FRMD6: variants seen among roughly 807,000 people sequenced by gnomAD.
FRMD6 encodes FERM domain containing 6, also known as FERM domain-containing protein 6.
In FRMD6, 37 loss-of-function variants were observed where a neutral mutation model predicts 73.2. That is an observed-to-expected ratio of 0.51 (90% confidence interval 0.39 to 0.66). The LOEUF is 0.66. Among genes scored for constraint, FRMD6 ranks in the 30% least tolerant of loss-of-function variants. FRMD6 has a pLI of 0.00. For synonymous variants in FRMD6, 273 were observed against 282.2 expected (o/e 0.97, Z 0.33); for missense variants, 714 against 780.5 (o/e 0.91, Z 1.02).
chr14:51,669,058 T>C (rs115114982), intron 1 of FRMD6, among the ~76,000 whole-genome samples: 246 of 152,354 alleles, frequency 1.6e-3, no homozygotes, highest in African/African-American at 5.7e-3. Context: ...CAAATGTATA[T>C]ATCATCATGT....
In FRMD6 at chr14:51,497,848, T is replaced by G. The variant is rs1206169535; in HGVS notation, c.-210+8428T>G. ...AGCTCTATATTACCCAGAGATATTT[T>G]GGGATGAGGCTTCTACGAATCTTAG... On this transcript the variant is annotated intron_variant, in intron 1 of 14. Transcript: ENST00000356218. 2.6e-5 allele frequency among the ~76,000 whole-genome samples: 4 copies of G among 152,218 alleles called. 1 individual carries two copies. The East Asian group carries it at 7.7e-4, about 29-fold the overall frequency.
chr14:51,666,606 C>T (rs921746172), intron 1 of FRMD6, among the ~76,000 whole-genome samples: 67 of 152,256 alleles, frequency 4.4e-4, no homozygotes, highest in African/African-American at 1.6e-3. Context: ...ATATATATTC[C>T]ATGGCAGTTT....
chr14:51,691,119 T>C (rs1312613874), intron 2 of FRMD6, among the ~76,000 whole-genome samples: 1 of 152,226 alleles, frequency 6.6e-6, no homozygotes, highest in Non-Finnish European at 1.5e-5. Context: ...TTATGTGATA[T>C]ATTCTCTTCT....
intron 1 of FRMD6, among the ~76,000 whole-genome samples, chr14:51,568,162 T>G (rs1887884934): frequency 6.6e-6 from 1 of 152,268 alleles, no homozygotes; most frequent in Non-Finnish European, 1.5e-5. Context: ...AGGCTATATT[T>G]AGTCCCATGG....
the FRMD6 span, among the ~76,000 whole-genome samples, chr14:51,437,352 G>C: frequency 6.6e-6 from 1 of 152,036 alleles, no homozygotes; most frequent in Non-Finnish European, 1.5e-5. Context: ...GCCCAAGCTG[G>C]AGTGCAGTGG....
the FRMD6 span, among the ~76,000 whole-genome samples, chr14:51,464,198 C>T: frequency 0.55 from 83,902 of 152,038 alleles, 23,464 homozygotes; most frequent in East Asian, 0.75. Flanking sequence ...TAAAATATTC[C>T]AGCACAATGA....
At chr14:51,476,537 A>T in the FRMD6 span, among the ~76,000 whole-genome samples, 6 of 152,194 alleles carry the variant, frequency 3.9e-5, no homozygotes, top group Admixed American at 3.9e-4. Flanking sequence ...ACCCTTCACC[A>T]ATACTCTGCT....
intron 1 of FRMD6, chr14:51,547,869 G>T (rs975468356): frequency 6.7e-6 from 1 of 149,762 alleles, no homozygotes; most frequent in Non-Finnish European, 1.5e-5. Context: ...TTGGATGTTG[G>T]CACCCTGTGT....
At chr14:51,463,988 G>A in the FRMD6 span, among the ~76,000 whole-genome samples, 72 of 152,178 alleles carry the variant, frequency 4.7e-4, no homozygotes, top group African/African-American at 1.5e-3. Flanking sequence ...TGGCTAGTTC[G>A]TTTTAGAGAC....
At chr14:51,682,192 G>T (rs1421937333) in intron 1 of FRMD6, among the ~76,000 whole-genome samples, 1 of 152,124 alleles carries the variant, frequency 6.6e-6, no homozygotes, top group Non-Finnish European at 1.5e-5. Flanking sequence ...TTCCCTGTAA[G>T]TGGGATTATT....
At chr14:51,663,710 A>G (rs1028522282) in intron 1 of FRMD6, among the ~76,000 whole-genome samples, 14 of 152,214 alleles carry the variant, frequency 9.2e-5, no homozygotes, top group African/African-American at 1.7e-4. Flanking sequence ...AAGTTTATCT[A>G]TATAACAAAC....
At chr14:51,686,392 A>G (rs1302481593) in intron 1 of FRMD6, among the ~76,000 whole-genome samples, 2 of 152,164 alleles carry the variant, frequency 1.3e-5, no homozygotes, top group Admixed American at 6.6e-5. Flanking sequence ...TTTGTTAAAA[A>G]TGACAATCAG....
chr14:51,588,679 C>T (rs1889196163), intron 2 of FRMD6, among the ~76,000 whole-genome samples: 2 of 152,162 alleles, frequency 1.3e-5, no homozygotes, highest in African/African-American at 4.8e-5. Flanking sequence ...CTGCCCCAAC[C>T]TCACACTCTG....
chr14:51,558,540 A>C (rs1887286840), intron 1 of FRMD6, among the ~76,000 whole-genome samples: 1 of 152,104 alleles, frequency 6.6e-6, no homozygotes, highest in Non-Finnish European at 1.5e-5. Flanking sequence ...GGAAAACAAA[A>C]GCCAACTCTC....
the FRMD6 span, among the ~76,000 whole-genome samples, chr14:51,479,112 A>G: frequency 6.6e-6 from 1 of 152,282 alleles, no homozygotes; most frequent in East Asian, 1.9e-4. Context: ...TTAATTACTG[A>G]CAGCCCATCT....
chr14:51,619,957 A>G (rs1360580133), intron 2 of FRMD6, among the ~76,000 whole-genome samples: 2 of 152,224 alleles, frequency 1.3e-5, no homozygotes, highest in African/African-American at 4.8e-5. Flanking sequence ...CCTGTAGTCT[A>G]CAGAGCCACC....
chr14:51,479,851 A>C, the FRMD6 span, among the ~76,000 whole-genome samples: 1 of 152,198 alleles, frequency 6.6e-6, no homozygotes, highest in Non-Finnish European at 1.5e-5. Flanking sequence ...TTGCAGAGGC[A>C]TGTGGGTTGC....
chr14:51,694,138 A>C (rs557608976), intron 2 of FRMD6, among the ~76,000 whole-genome samples: 11 of 152,258 alleles, frequency 7.2e-5, no homozygotes, highest in Admixed American at 2.6e-4. Context: ...GGTCATTCTG[A>C]ATTCCCTGTG....
the FRMD6 span, among the ~76,000 whole-genome samples, chr14:51,441,287 C>T: frequency 1.3e-5 from 2 of 152,226 alleles, no homozygotes; most frequent in Admixed American, 1.3e-4. Flanking sequence ...GCCCACAGTT[C>T]CAGGCCCTGA....
Sources: gnomAD v4.1 joint callset for allele counts (sites outside exome capture counted in the v4.1 genomes callset) on GRCh38, gnomAD v4.1.1 for gene constraint, MANE v1.5 for transcripts, NCBI Gene and HGNC (gene_info 2026-07-23, HGNC 2026-07-21) for gene names.